PCBD2: variants seen among roughly 807,000 people sequenced by gnomAD.
PCBD2 encodes the protein pterin-4 alpha-carbinolamine dehydratase 2.
Under a neutral mutation model 16.4 loss-of-function variants are expected in PCBD2, and 12 were observed. The ratio of observed to expected loss-of-function variants is 0.73; its 90% CI spans 0.47 to 1.19. The LOEUF (loss-of-function observed/expected upper bound fraction) is 1.19. Among genes scored for constraint, PCBD2 ranks in the 50% most tolerant of loss-of-function variants. The pLI is 0.00. For missense variants in PCBD2, 138 were observed against 156.8 expected (o/e 0.88, Z 0.64); for synonymous variants, 58 against 61.8 (o/e 0.94, Z 0.29).
chr5:134,931,426 C>T (rs1751094256), intron 2 of PCBD2, among the ~76,000 whole-genome samples: 1 of 152,296 alleles, frequency 6.6e-6, no homozygotes, highest in Admixed American at 6.5e-5. Context: ...ATTTTATGAA[C>T]TAATGAGTGT....
At chr5:134,926,784 G>A (rs773379172) in intron 2 of PCBD2, 10 of 397,920 alleles carry the variant, frequency 2.5e-5, no homozygotes, top group Middle Eastern at 6.3e-4. Flanking sequence ...GTGGCTGAGC[G>A]AGCCTCATTG....
intron 2 of PCBD2, among the ~76,000 whole-genome samples, chr5:134,939,458 T>G (rs1751198930): frequency 6.6e-6 from 1 of 151,842 alleles, no homozygotes; most frequent in African/African-American, 2.4e-5. Context: ...TTTTGGAGGG[T>G]GTTTTTAGGG....
intron 2 of PCBD2, chr5:134,924,803 G>T (rs1315665703): frequency 2.5e-6 from 1 of 393,252 alleles, no homozygotes; most frequent in African/African-American, 2.1e-5. Flanking sequence ...GCCAGGTCTA[G>T]GAGGAGTAGG....
At chr5:134,954,633 C>G (rs574557334) in intron 2 of PCBD2, among the ~76,000 whole-genome samples, 2 of 152,264 alleles carry the variant, frequency 1.3e-5, no homozygotes, top group Admixed American at 1.3e-4. Flanking sequence ...AGTAGCTTAG[C>G]TGGGTATAAA....
At chr5:134,927,581 G>A (rs879118825) in intron 2 of PCBD2, 2 of 397,034 alleles carry the variant, frequency 5.0e-6, no homozygotes, top group East Asian at 7.1e-5. Flanking sequence ...CTACTAGGGT[G>A]TAGAATAGGA....
At chr5:134,949,841 G>A (rs562696749) in intron 2 of PCBD2, among the ~76,000 whole-genome samples, 18 of 152,288 alleles carry the variant, frequency 1.2e-4, no homozygotes, top group Middle Eastern at 3.4e-3. Context: ...TGACATGTGC[G>A]TGCTTGGCAA....
intron 2 of PCBD2, among the ~76,000 whole-genome samples, chr5:134,917,565 T>G (rs796911788): frequency 2.6e-5 from 4 of 152,334 alleles, no homozygotes; most frequent in African/African-American, 9.6e-5. Context: ...TCGGTGGGCC[T>G]GCCCAGCAGG....
intron 2 of PCBD2, among the ~76,000 whole-genome samples, chr5:134,934,940 A>G (rs1312979487): frequency 6.6e-6 from 1 of 152,252 alleles, no homozygotes; most frequent in African/African-American, 2.4e-5. Context: ...TGTAGAAGCT[A>G]TCCAACATTT....
At chr5:134,933,148 G>A (rs1751118669) in intron 2 of PCBD2, among the ~76,000 whole-genome samples, 2 of 152,132 alleles carry the variant, frequency 1.3e-5, no homozygotes, top group Non-Finnish European at 2.9e-5. Flanking sequence ...ATATATTTGG[G>A]ATCATATTAT....
intron 2 of PCBD2, chr5:134,925,210 G>C (rs1750971918): frequency 2.5e-6 from 1 of 398,366 alleles, no homozygotes; most frequent in African/African-American, 2.1e-5. Context: ...GCTTGTCAGG[G>C]AGGTGGCGAT....
At chr5:134,944,988 C>T (rs542279268) in intron 2 of PCBD2, among the ~76,000 whole-genome samples, 2 of 152,234 alleles carry the variant, frequency 1.3e-5, no homozygotes. Flanking sequence ...GTAAGATCAA[C>T]AAATTGGAAT....
intron 2 of PCBD2, among the ~76,000 whole-genome samples, chr5:134,915,273 C>G (rs2149530935): frequency 6.6e-6 from 1 of 152,042 alleles, no homozygotes; most frequent in East Asian, 2.0e-4. Flanking sequence ...CGAGATCACA[C>G]CATTTCACTC....
chr5:134,910,260 T>C, intron 1 of PCBD2, 75 bp from the exon 2 acceptor site: 1 of 1,488,226 alleles, frequency 6.7e-7, no homozygotes, highest in Non-Finnish European at 9.2e-7. Context: ...ACATCTCTGC[T>C]TAAGGTAAGG....
At chr5:134,948,013 C>A (rs1428240567) in intron 2 of PCBD2, among the ~76,000 whole-genome samples, 3 of 152,134 alleles carry the variant, frequency 2.0e-5, no homozygotes, top group Admixed American at 2.0e-4. Context: ...TAATGAACAG[C>A]CCCAGTGAAT....
intron 2 of PCBD2, among the ~76,000 whole-genome samples, chr5:134,950,829 G>A (rs934760681): frequency 6.6e-6 from 1 of 152,132 alleles, no homozygotes; most frequent in Non-Finnish European, 1.5e-5. Flanking sequence ...TACGTTATTT[G>A]TTGGCCATAT....
intron 2 of PCBD2, chr5:134,928,157 T>C (rs1751042852): frequency 5.1e-6 from 2 of 390,946 alleles, no homozygotes; most frequent in Non-Finnish European, 9.1e-6. Context: ...AGGTACAATA[T>C]TGGCTAAGAG....
intron 2 of PCBD2, among the ~76,000 whole-genome samples, chr5:134,934,273 T>TA (rs974021923): frequency 5.3e-5 from 8 of 149,918 alleles, no homozygotes; most frequent in South Asian, 2.1e-4. Flanking sequence ...ATAATGATTT[T>TA]AAAAAAAAAA....
intron 2 of PCBD2, among the ~76,000 whole-genome samples, chr5:134,939,136 A>G (rs568071749): frequency 1.3e-5 from 2 of 152,304 alleles, no homozygotes; most frequent in South Asian, 4.1e-4. Context: ...AAATATATTT[A>G]AAGAAAATAT....
intron 2 of PCBD2, chr5:134,924,119 A>G (rs1372035276): frequency 5.0e-6 from 2 of 398,184 alleles, no homozygotes; most frequent in Non-Finnish European, 8.9e-6. Context: ...CCCGTGCAAG[A>G]ATAATGATGT....
Sources: allele counts gnomAD v4.1 joint callset (sites outside exome capture counted in the v4.1 genomes callset), GRCh38; gene constraint gnomAD v4.1.1; transcripts MANE v1.5; gene names NCBI Gene and HGNC (gene_info 2026-07-23, HGNC 2026-07-21).